The following ADAMTSL3 variants were observed in gnomAD, a reference collection of about 807,000 sequenced individuals.
The protein encoded by ADAMTSL3 is ADAMTS like 3, also known as ADAMTS-like protein 3.
ADAMTSL3 carries 128 observed loss-of-function variants against 201.7 expected under a neutral mutation model. The ratio of observed to expected loss-of-function variants is 0.63; its 90% CI spans 0.55 to 0.73. ADAMTSL3 has a LOEUF of 0.73. Ranked by LOEUF, ADAMTSL3 falls within the 30% of genes least tolerant of loss-of-function variation. The pLI is 0.00. For synonymous variants in ADAMTSL3, 738 were observed against 748.4 expected (o/e 0.99, Z 0.23); for missense variants, 1,990 against 2,119.6 (o/e 0.94, Z 1.20).
chr15:83,715,065 C>T (rs1368009045), intron 3 of ADAMTSL3, among the ~76,000 whole-genome samples: 1 of 151,924 alleles, frequency 6.6e-6, no homozygotes, highest in Admixed American at 6.6e-5. Context: ...TGTGGTCAAA[C>T]AGTGCACTCA....
intron 8 of ADAMTSL3, among the ~76,000 whole-genome samples, chr15:83,868,461 A>T (rs754641385): frequency 6.6e-6 from 1 of 152,194 alleles, no homozygotes; most frequent in Admixed American, 6.5e-5. Flanking sequence ...AAAGAACTGC[A>T]TCGGCCTCCA....
intron 2 of ADAMTSL3, among the ~76,000 whole-genome samples, chr15:83,699,660 C>T (rs2061740773): frequency 6.6e-6 from 1 of 152,192 alleles, no homozygotes; most frequent in African/African-American, 2.4e-5. Context: ...TTTTCCCTTC[C>T]TTCTTTATCC....
At chr15:83,754,114 A>G (rs1164801035) in intron 3 of ADAMTSL3, among the ~76,000 whole-genome samples, 1 of 152,144 alleles carries the variant, frequency 6.6e-6, no homozygotes, top group Non-Finnish European at 1.5e-5. Flanking sequence ...TGGGCACTGT[A>G]TGTCAGGCCT....
At chr15:83,801,387 G>A (rs1413821709) in intron 4 of ADAMTSL3, among the ~76,000 whole-genome samples, 1 of 151,630 alleles carries the variant, frequency 6.6e-6, no homozygotes, top group Non-Finnish European at 1.5e-5. Context: ...CAAGCTGTGA[G>A]GAGACAAGGG....
chr15:83,853,102 G>A (rs918843345), intron 7 of ADAMTSL3, among the ~76,000 whole-genome samples: 2 of 152,066 alleles, frequency 1.3e-5, no homozygotes, highest in African/African-American at 2.4e-5. Flanking sequence ...TGATCCTCCC[G>A]CCTTAGCTTC....
intron 20 of ADAMTSL3, among the ~76,000 whole-genome samples, chr15:83,980,958 G>A (rs2067375636): frequency 2.6e-5 from 4 of 152,340 alleles, no homozygotes; most frequent in Middle Eastern, 6.8e-3. Flanking sequence ...TCTTCTCCCA[G>A]CGTGTGCTAC....
At chr15:83,902,088 A>G (rs1379410198) in intron 15 of ADAMTSL3, among the ~76,000 whole-genome samples, 2 of 152,098 alleles carry the variant, frequency 1.3e-5, no homozygotes, top group Admixed American at 1.3e-4. Flanking sequence ...GACTATATTT[A>G]CTAAAATCTT....
intron 25 of ADAMTSL3, among the ~76,000 whole-genome samples, chr15:84,017,098 GTTATTTTATTTTGT>G (rs1019040436): frequency 2.0e-5 from 3 of 151,812 alleles, no homozygotes; most frequent in Non-Finnish European, 4.4e-5. Context: ...TAATTATTTT[GTTATTTTATTTTGT>G]TTATTTTGTT....
At chr15:83,990,902 A>G (rs1046985424) in intron 22 of ADAMTSL3, among the ~76,000 whole-genome samples, 184 bp from the exon 23 acceptor site, 10 of 152,200 alleles carry the variant, frequency 6.6e-5, no homozygotes, top group Admixed American at 6.5e-4. Flanking sequence ...ATCTGTCCGT[A>G]TGTCCACTGA....
At chr15:83,987,504 A>C (rs1270786047) in intron 21 of ADAMTSL3, among the ~76,000 whole-genome samples, 2 of 152,344 alleles carry the variant, frequency 1.3e-5, no homozygotes, top group East Asian at 3.9e-4. Context: ...TATTTCATCA[A>C]ATAAATATAT....
At chr15:83,690,528 T>G (rs1050833243) in intron 2 of ADAMTSL3, among the ~76,000 whole-genome samples, 2 of 152,240 alleles carry the variant, frequency 1.3e-5, no homozygotes, top group Non-Finnish European at 2.9e-5. Flanking sequence ...CTACTTGTTC[T>G]TTACATCTCA....
At chr15:84,007,765 C>T (rs2067921242) in intron 23 of ADAMTSL3, among the ~76,000 whole-genome samples, 1 of 152,116 alleles carries the variant, frequency 6.6e-6, no homozygotes, top group African/African-American at 2.4e-5. Flanking sequence ...AGAAGAAATA[C>T]TATGGCTATT....
intron 3 of ADAMTSL3, among the ~76,000 whole-genome samples, chr15:83,746,240 A>G (rs1312629872): frequency 1.3e-5 from 2 of 151,510 alleles, no homozygotes; most frequent in Non-Finnish European, 3.0e-5. Flanking sequence ...GCACCGACAG[A>G]AAATGACCAG....
At chr15:83,726,107 T>G (rs1034716500) in intron 3 of ADAMTSL3, among the ~76,000 whole-genome samples, 5 of 152,126 alleles carry the variant, frequency 3.3e-5, no homozygotes, top group African/African-American at 1.2e-4. Context: ...GTAGAAATCT[T>G]TCATTTCTTT....
chr15:83,775,873 C>T (rs1158174769), intron 4 of ADAMTSL3, among the ~76,000 whole-genome samples: 1 of 152,132 alleles, frequency 6.6e-6, no homozygotes, highest in Non-Finnish European at 1.5e-5. Flanking sequence ...CCAGCTTCTC[C>T]CTATTTACAT....
At chr15:84,001,141 C>T (rs111998643) in intron 23 of ADAMTSL3, among the ~76,000 whole-genome samples, 5 of 152,260 alleles carry the variant, frequency 3.3e-5, no homozygotes, top group East Asian at 1.9e-4. Flanking sequence ...ATTAAGCTGA[C>T]GTTACATGTA....
chr15:83,843,599 T>A (rs531992340), intron 7 of ADAMTSL3, among the ~76,000 whole-genome samples: 1 of 152,264 alleles, frequency 6.6e-6, no homozygotes, highest in African/African-American at 2.4e-5. Context: ...TGAAGCCATG[T>A]CTCCCCCTGA....
At chr15:83,883,694 T>C (rs190061059) in intron 9 of ADAMTSL3, among the ~76,000 whole-genome samples, 4 of 152,076 alleles carry the variant, frequency 2.6e-5, no homozygotes, top group Admixed American at 2.0e-4. Flanking sequence ...TAGCTATAGC[T>C]GGGACTACAG....
intron 2 of ADAMTSL3, among the ~76,000 whole-genome samples, chr15:83,702,211 A>G (rs1367605646): frequency 1.3e-5 from 2 of 152,258 alleles, no homozygotes; most frequent in African/African-American, 2.4e-5. Flanking sequence ...GCAGCAAAGC[A>G]TTCAAGAGAT....
Sources: gnomAD v4.1 joint callset for allele counts (sites outside exome capture counted in the v4.1 genomes callset) on GRCh38, gnomAD v4.1.1 for gene constraint, MANE v1.5 for transcripts, NCBI Gene and HGNC (gene_info 2026-07-23, HGNC 2026-07-21) for gene names.